SI: variants seen among roughly 807,000 people sequenced by gnomAD.
SI encodes the protein sucrase-isomaltase, intestinal.
In SI, 235 loss-of-function variants were observed where a neutral mutation model predicts 253.3. That is an observed-to-expected ratio of 0.93 (90% CI 0.83 to 1.03). The LOEUF (loss-of-function observed/expected upper bound fraction) is 1.03. SI is among the 50% of genes least tolerant of loss of function. The pLI, the probability that SI is intolerant of heterozygous loss-of-function variation, is 0.00. For synonymous variants in SI, 819 were observed against 712.0 expected, an observed-to-expected ratio of 1.15 and a Z score of -2.39; for missense variants, 2,442 against 2,211.1, an observed-to-expected ratio of 1.10 and a Z score of -2.09.
chr3:165,041,019 T>G lies in SI; in HGVS notation c.2080A>C (p.Thr694Pro). 1 of 1,612,566 alleles carries G rather than the reference T, an allele frequency of 6.2e-7. No individual in the cohort carries two copies. Among genetic ancestry groups the G allele is most frequent in the Non-Finnish European group, 8.5e-7 (1 of 1,178,944 alleles). Residue 694 changes from threonine to proline, a missense_variant, in exon 18 of 48, where the codon ACC becomes CCC. Transcript: ENST00000264382. ...SSRQYLTIRY[T>P]LLPFLYTLFY... The stretch of plus-strand genomic sequence containing the variant: ...AGAGTGTAGAGGAAGGGTAATAAGG[T>G]GTAGCGAATAGTTAAATACTGCCTT...
intron 2 of SI, among the ~76,000 whole-genome samples, chr3:165,075,486 A>G (rs1358362671): frequency 2.0e-5 from 3 of 152,000 alleles, no homozygotes; most frequent in South Asian, 4.1e-4. Flanking sequence ...TCCTTAAAAT[A>G]AAATCTAACC....
At chr3:164,995,114 G>A (rs990456308) in intron 40 of SI, among the ~76,000 whole-genome samples, 5 of 151,712 alleles carry the variant, frequency 3.3e-5, no homozygotes, top group African/African-American at 9.7e-5. Context: ...CACAAAGCTC[G>A]AGGTAACATT....
chr3:165,084,124 T>G, the SI span, among the ~76,000 whole-genome samples: 2 of 152,006 alleles, frequency 1.3e-5, no homozygotes, highest in African/African-American at 4.8e-5. Context: ...ATGAAAATAG[T>G]GCTTTTCTAT....
intron 28 of SI, among the ~76,000 whole-genome samples, chr3:165,018,683 T>C (rs1055290613): frequency 6.6e-6 from 1 of 151,432 alleles, no homozygotes; most frequent in Non-Finnish European, 1.5e-5. Context: ...TTTATAGTAA[T>C]TTATTTTTAG....
chr3:165,074,459 C>A, intron 3 of SI, 72 bp downstream of exon 3: 1 of 934,460 alleles, frequency 1.1e-6, no homozygotes. Context: ...AAGATCGATC[C>A]AATATTCAGC....
intron 38 of SI, among the ~76,000 whole-genome samples, chr3:164,997,399 A>T (rs1263106154): frequency 6.6e-6 from 1 of 151,244 alleles, no homozygotes; most frequent in Non-Finnish European, 1.5e-5. Flanking sequence ...CACTTATTCT[A>T]CTATTGTCAC....
chr3:165,090,169 GA>G, the SI span, among the ~76,000 whole-genome samples: 6 of 150,694 alleles, frequency 4.0e-5, no homozygotes, highest in African/African-American at 1.5e-4. Context: ...AAGAGAGAGA[GA>G]GAGAGAGAGA....
intron 25 of SI, among the ~76,000 whole-genome samples, chr3:165,026,336 A>G (rs1711920872): frequency 6.6e-6 from 1 of 151,428 alleles, no homozygotes; most frequent in Non-Finnish European, 1.5e-5. Flanking sequence ...TTATAAAACA[A>G]TTACTAATAG....
At position 164,994,241 on chromosome 3, in the gene SI, C is replaced by A. The variant is rs748002198; in HGVS notation, c.4841+16G>T. 81 of 1,607,720 alleles carry A rather than the reference C, an allele frequency of 5.0e-5. No homozygotes were observed. Among genetic ancestry groups the A allele is most frequent in the Non-Finnish European group, 2.1e-5 (25 of 1,175,676 alleles). ...AGTATCTCTCTGTGATAAGAGAAAA[C>A]AAACTTTGTACTTACTCATGCAAAA... On this transcript the variant is annotated intron_variant, in intron 41 of 47. Transcript: ENST00000264382.
At chr3:165,019,150 G>A (rs1409500884) in intron 28 of SI, among the ~76,000 whole-genome samples, 3 of 151,762 alleles carry the variant, frequency 2.0e-5, no homozygotes, top group African/African-American at 7.3e-5. Context: ...ACATTGTAAA[G>A]ATGTAATTAG....
At chr3:165,053,383 C>G (rs1431820107) in intron 13 of SI, among the ~76,000 whole-genome samples, 3 of 151,950 alleles carry the variant, frequency 2.0e-5, no homozygotes, top group African/African-American at 7.2e-5. Flanking sequence ...AGTTGAATAA[C>G]AACTTGTTTT....
chr3:165,025,047 T>G (rs191128602), intron 25 of SI, among the ~76,000 whole-genome samples: 2 of 151,326 alleles, frequency 1.3e-5, no homozygotes, highest in South Asian at 2.1e-4. Context: ...GCATGTTATT[T>G]CCAACCCAAT....
intron 15 of SI, among the ~76,000 whole-genome samples, 158 bp from the exon 16 acceptor site, chr3:165,047,170 T>G (rs1713165183): frequency 6.6e-6 from 1 of 152,118 alleles, no homozygotes; most frequent in Non-Finnish European, 1.5e-5. Context: ...TTCCCAGATG[T>G]TGTGAGAGAA....
chr3:165,069,294 T>A (rs926933065), intron 3 of SI, 99 bp from the exon 4 acceptor site: 75 of 856,944 alleles, frequency 8.8e-5, no homozygotes, highest in Non-Finnish European at 1.5e-4. Context: ...ATAATCTAAC[T>A]TTTTCAAATG....
intron 7 of SI, among the ~76,000 whole-genome samples, 196 bp from the exon 8 acceptor site, chr3:165,063,737 A>G (rs2108256147): frequency 6.6e-6 from 1 of 150,378 alleles, no homozygotes; most frequent in East Asian, 1.9e-4. Flanking sequence ...TAACATTATT[A>G]ATATAGTAAT....
At chr3:165,072,877 A>C (rs759101695) in intron 3 of SI, among the ~76,000 whole-genome samples, 1 of 152,152 alleles carries the variant, frequency 6.6e-6, no homozygotes, top group African/African-American at 2.4e-5. Context: ...AAAAATGTCA[A>C]GAAAACACTC....
intron 33 of SI, 91 bp from the exon 34 acceptor site, chr3:165,013,133 C>A: frequency 1.2e-6 from 1 of 827,998 alleles, no homozygotes; most frequent in Non-Finnish European, 2.1e-6. Context: ...GTATTAGAGG[C>A]TTATTATTAA....
Position 165,041,019 on chromosome 3 carries a change from T to C in SI, c.2080A>G (p.Thr694Ala), listed in dbSNP as rs780664460. The C allele has an allele frequency of 1.9e-6, 3 of 1,612,448 alleles. No homozygotes were observed. The highest frequency in any genetic ancestry group is 2.7e-5 in the African/African-American group (2 of 74,846). ...AGAGTGTAGAGGAAGGGTAATAAGG[T>C]GTAGCGAATAGTTAAATACTGCCTT... ...SSRQYLTIRY[T>A]LLPFLYTLFY... Residue 694 changes from threonine to alanine, a missense_variant, in exon 18 of 48, where the codon ACC becomes GCC. Coordinates refer to ENST00000264382, the MANE Select transcript of SI (RefSeq NM_001041.4).
At position 164,982,326 on chromosome 3, in the gene SI, CT is replaced by C; in HGVS notation, c.5331del (p.Gly1778GlufsTer10). 6.2e-7 allele frequency: 1 copy of C among 1,612,952 alleles called. No individual in the cohort carries two copies. Among genetic ancestry groups the C allele is most frequent in the South Asian group, 1.1e-5 (1 of 91,060 alleles). ...TRLGSLHVWG[K>X]GTTPVNAVTL... is the part of the protein sequence containing the mutation. ...GTAACTGCATTGACAGGAGTAGTTCCTTTCCCCCATACATGAAGGGATCCAA... is the reference window on the plus strand; with the variant it reads ...GTAACTGCATTGACAGGAGTAGTTCCTTCCCCCATACATGAAGGGATCCAA... On this transcript the variant is annotated frameshift_variant, in exon 47 of 48. Transcript: ENST00000264382. LOFTEE classifies it high-confidence loss of function.
Sources: gnomAD v4.1 joint callset for allele counts (sites outside exome capture counted in the v4.1 genomes callset) on GRCh38, gnomAD v4.1.1 for gene constraint, MANE v1.5 for transcripts, NCBI Gene and HGNC (gene_info 2026-07-23, HGNC 2026-07-21) for gene names.